Variants in EPHA6 observed in about 807,000 individuals in gnomAD.
EPHA6 encodes the protein ephrin type-A receptor 6.
A neutral mutation model predicts 112.0 loss-of-function variants in EPHA6; 50 were observed. The observed-to-expected ratio is 0.45, with a 90% CI of 0.36 to 0.56. The LOEUF (loss-of-function observed/expected upper bound fraction) is 0.56. EPHA6 is among the 20% of genes least tolerant of loss of function. The pLI, the probability that EPHA6 is intolerant of heterozygous loss-of-function variation, is 0.00. For missense variants in EPHA6, 1,280 were observed against 1,417.4 expected, an observed-to-expected ratio of 0.90 and a Z score of 1.56; for synonymous variants, 529 against 490.7, an observed-to-expected ratio of 1.08 and a Z score of -1.03.
chr3:97,502,799 G>A (rs531952970), intron 10 of EPHA6, among the ~76,000 whole-genome samples: 17 of 111,754 alleles, frequency 1.5e-4, no homozygotes, highest in African/African-American at 4.8e-4. Context: ...GTGTCATTAC[G>A]CTCCAGGCTG....
intron 14 of EPHA6, among the ~76,000 whole-genome samples, chr3:97,660,570 C>G (rs897113957): frequency 3.9e-5 from 6 of 152,060 alleles, no homozygotes; most frequent in African/African-American, 1.4e-4. Context: ...AAATGTGGCA[C>G]ATTCTGACAG....
chr3:96,939,463 C>G (rs1176422244), intron 2 of EPHA6, among the ~76,000 whole-genome samples: 2 of 152,094 alleles, frequency 1.3e-5, no homozygotes, highest in Non-Finnish European at 2.9e-5. Context: ...TCCCCTTTAT[C>G]ATTTTTATTG....
chr3:97,198,521 A>T (rs950359446), intron 3 of EPHA6, among the ~76,000 whole-genome samples: 1 of 128,438 alleles, frequency 7.8e-6, no homozygotes. Context: ...AGACTGTGGC[A>T]TACAAGCACT....
intron 14 of EPHA6, among the ~76,000 whole-genome samples, chr3:97,674,686 T>C (rs187646127): frequency 6.6e-6 from 1 of 152,334 alleles, no homozygotes; most frequent in East Asian, 1.9e-4. Flanking sequence ...TATTTGAGCC[T>C]AATAGCTGAC....
intron 2 of EPHA6, among the ~76,000 whole-genome samples, chr3:96,959,745 A>T (rs749437286): frequency 1.4e-4 from 22 of 152,000 alleles, no homozygotes; most frequent in Non-Finnish European, 3.1e-4. Context: ...GTTTTTCAGT[A>T]ATAAATACAT....
intron 14 of EPHA6, among the ~76,000 whole-genome samples, chr3:97,696,172 G>A (rs537540748): frequency 3.3e-5 from 5 of 152,120 alleles, no homozygotes; most frequent in Non-Finnish European, 7.4e-5. Flanking sequence ...GTTCCATCAC[G>A]GTCTCATGAG....
At position 96,987,694 on chromosome 3, in the gene EPHA6, C is replaced by T; in HGVS notation, c.815C>T (p.Pro272Leu). ...KLNTEIREVG[P>L]IERKGFYLAF... ...AACACTGAAATTCGTGAGGTGGGGC[C>T]TATAGAAAGGAAAGGATTTTATCTG... The change falls in exon 3 of 18, where the codon CCT becomes CTT. Residue 272 changes from proline (P) to leucine (L), a missense_variant. By Grantham distance (98) the Pro-to-Leu change is moderately conservative (BLOSUM62 -3). Transcript: ENST00000389672. 1 of 1,607,728 alleles carries T rather than the reference C, an allele frequency of 6.2e-7. No individual in the cohort carries two copies. The highest frequency in any genetic ancestry group is 8.5e-7 in the Non-Finnish European group (1 of 1,175,978).
chr3:97,295,250 T>C (rs1013523909), intron 5 of EPHA6, among the ~76,000 whole-genome samples: 2 of 152,060 alleles, frequency 1.3e-5, no homozygotes, highest in African/African-American at 4.8e-5. Flanking sequence ...ATATGTCACA[T>C]AGACTTTTTT....
rs551851506 is a variant in EPHA6 at position 97,752,155 on chromosome 3, A to G, written c.*3454A>G. The G allele has an allele frequency of 8.9e-6, 2 of 223,508 alleles. No homozygotes were observed. The highest frequency in any genetic ancestry group is 1.8e-4 in the South Asian group (1 of 5,426). The allele number at this position is 223,508 out of a possible 1,614,324, so 13.8% of individuals were successfully genotyped here. A position where few individuals can be genotyped will look rare whatever the true frequency, so the allele number is the denominator to read the frequency against. On this transcript the variant is annotated 3_prime_UTR_variant, in exon 18 of 18. Transcript: ENST00000389672. ...CACTCTGCATTGGTCTTTAAAATCT[A>G]TCAAAGTATAACCTGAATAAAACTG...
chr3:97,650,268 A>G (rs1355575262), intron 14 of EPHA6, among the ~76,000 whole-genome samples: 2 of 152,094 alleles, frequency 1.3e-5, no homozygotes, highest in African/African-American at 2.4e-5. Flanking sequence ...CTTGTCTGGG[A>G]TGGTAGTTTC....
Position 97,310,732 on chromosome 3 carries a change from G to A in EPHA6, c.1606+66445G>A, listed in dbSNP as rs184832218. ...TTTTTAATGGATCCTCTCTCAACTAGATTATAACTTAAATTATTGGCATCT... is the reference window on the plus strand; with the variant it reads ...TTTTTAATGGATCCTCTCTCAACTAAATTATAACTTAAATTATTGGCATCT... On this transcript the variant is annotated intron_variant, in intron 5 of 17. Transcript: ENST00000389672. Among the ~76,000 whole-genome samples, 436 of 151,658 alleles carry A rather than the reference G, an allele frequency of 2.9e-3. 2 individuals are homozygous for A. Among genetic ancestry groups the A allele is most frequent in the African/African-American group, 9.7e-3 (401 of 41,442 alleles).
chr3:96,994,709 G>GTATATATATATATATACATA (rs1553684482), intron 3 of EPHA6, among the ~76,000 whole-genome samples: 1 of 98,482 alleles, frequency 1.0e-5, no homozygotes, highest in African/African-American at 5.4e-5. Context: ...GTGTGTGTGT[G>GTATATATATATATATACATA]TATATATATA....
At chr3:97,035,635 A>C (rs2045062556) in intron 3 of EPHA6, among the ~76,000 whole-genome samples, 1 of 151,790 alleles carries the variant, frequency 6.6e-6, no homozygotes, top group Non-Finnish European at 1.5e-5. Context: ...CCATATTTGA[A>C]AATAATTTTC....
chr3:97,088,462 G>T lies in EPHA6; in HGVS notation c.1114+100469G>T, dbSNP rs184685978. The stretch of plus-strand genomic sequence containing the variant: ...ATTCTTAGATACCTAGAGCTGTTTG[G>T]TCCCTCAAGTCTGTGGGTTCTCTGG... On this transcript the variant is annotated intron_variant, in intron 3 of 17. Coordinates refer to ENST00000389672, the MANE Select transcript of EPHA6 (RefSeq NM_001080448.3). Among the ~76,000 whole-genome samples the T allele has an allele frequency of 1.4e-3, 212 of 152,188 alleles. 1 individual carries two copies. Among genetic ancestry groups the T allele is most frequent in the African/African-American group, 4.9e-3 (204 of 41,534 alleles).
intron 2 of EPHA6, among the ~76,000 whole-genome samples, chr3:96,901,613 G>A (rs1259965518): frequency 6.6e-6 from 1 of 152,028 alleles, no homozygotes; most frequent in Non-Finnish European, 1.5e-5. Context: ...AATGAAGGAA[G>A]AACAGTCTTC....
At chr3:96,827,752 A>G (rs2033760672) in intron 1 of EPHA6, among the ~76,000 whole-genome samples, 1 of 152,148 alleles carries the variant, frequency 6.6e-6, no homozygotes, top group Admixed American at 6.6e-5. Context: ...ATTTTTACAG[A>G]GATAACTTTC....
intron 11 of EPHA6, among the ~76,000 whole-genome samples, chr3:97,586,289 C>T (rs1379545732): frequency 2.6e-5 from 4 of 152,100 alleles, no homozygotes; most frequent in East Asian, 3.9e-4. Flanking sequence ...GTAGTCTGCC[C>T]AAGACTGCAT....
chr3:96,840,926 A>C (rs2034706767), intron 1 of EPHA6, among the ~76,000 whole-genome samples: 1 of 152,102 alleles, frequency 6.6e-6, no homozygotes, highest in African/African-American at 2.4e-5. Context: ...TAAAAACAAA[A>C]ATTATGGTAG....
intron 5 of EPHA6, among the ~76,000 whole-genome samples, chr3:97,280,671 G>C (rs993261125): frequency 1.3e-5 from 2 of 152,070 alleles, no homozygotes; most frequent in African/African-American, 4.8e-5. Context: ...TGTCTAGCAT[G>C]TATACATTTT....
Sources: allele counts gnomAD v4.1 joint callset (sites outside exome capture counted in the v4.1 genomes callset), GRCh38; gene constraint gnomAD v4.1.1; transcripts MANE v1.5; gene names NCBI Gene and HGNC (gene_info 2026-07-23, HGNC 2026-07-21).